The following IGFN1 variants were observed in gnomAD, a reference collection of about 807,000 sequenced individuals.
IGFN1 encodes immunoglobulin like and fibronectin type III domain containing 1.
A neutral mutation model predicts 289.5 loss-of-function variants in IGFN1; 253 were observed. That is an observed-to-expected ratio of 0.87 (90% CI 0.79 to 0.97). The LOEUF (loss-of-function observed/expected upper bound fraction) is 0.97. Ranked by LOEUF, IGFN1 falls within the 50% of genes least tolerant of loss-of-function variation. The probability of loss-of-function intolerance (pLI) is 0.00; values close to 1 mark genes in which losing one functional copy is unlikely to be tolerated. For synonymous variants in IGFN1, 1,706 were observed against 1,788.5 expected, an observed-to-expected ratio of 0.95 and a Z score of 1.16; for missense variants, 4,470 against 4,686.1, an observed-to-expected ratio of 0.95 and a Z score of 1.35.
chr1:201,220,076 TTC>T (rs1169591680), intron 18 of IGFN1, among the ~76,000 whole-genome samples: 4 of 147,834 alleles, frequency 2.7e-5, no homozygotes, highest in East Asian at 2.0e-4. Context: ...TTTCCTTTCT[TTC>T]TCTTTTTCTT....
chr1:201,214,502 C>G (rs531756080), intron 13 of IGFN1, among the ~76,000 whole-genome samples: 9 of 152,256 alleles, frequency 5.9e-5, no homozygotes, highest in African/African-American at 1.9e-4. Context: ...GTATCCTATG[C>G]CCCTCAGCAT....
chr1:201,208,060 AT>A lies in IGFN1; in HGVS notation c.3169del (p.Trp1057GlyfsTer21). The A allele has an allele frequency of 6.5e-7, 1 of 1,536,942 alleles. No individual in the cohort carries two copies. The highest frequency in any genetic ancestry group is 8.7e-7 in the Non-Finnish European group (1 of 1,146,872). ...GGAGCACCCATGAATGACACCAGGA[AT>A]TGGGCCTCTGCATGCCAGGCAGGCA... ...PDGAPMNDTRNWASACQAGMD... is the reference protein window; with the variant it reads ...PDGAPMNDTRXWASACQAGMD... On this transcript the variant is annotated frameshift_variant, in exon 12 of 24. Coordinates refer to ENST00000335211, the MANE Select transcript of IGFN1 (RefSeq NM_001164586.2). LOFTEE classifies it high-confidence loss of function.
intron 7 of IGFN1, 121 bp from the exon 8 acceptor site, chr1:201,200,116 T>C: frequency 1.3e-6 from 1 of 759,250 alleles, no homozygotes; most frequent in Middle Eastern, 3.6e-4. Context: ...GATTCCAGGC[T>C]CTGCGTTTCC....
Position 201,213,078 on chromosome 1 carries a change from C to G in IGFN1, c.8185C>G (p.Pro2729Ala). The G allele has an allele frequency of 6.4e-7, 1 of 1,551,646 alleles. No individual in the cohort carries two copies. Among genetic ancestry groups the G allele is most frequent in the East Asian group, 2.4e-5 (1 of 40,906 alleles). Residue 2729 changes from proline to alanine, a missense_variant, in exon 12 of 24, where the codon CCT (proline) becomes GCT (alanine). Physicochemically the swap from Pro to Ala is conservative, Grantham distance 27. Coordinates refer to ENST00000335211, the MANE Select transcript of IGFN1 (RefSeq NM_001164586.2). ...GTGGGGGAATGCCCTCACCCCAAAA[C>G]CTGGGGAGTCCGGACCTCAGGGAGC... ...TEWGNALTPK[P>A]GESGPQGAWN...
chr1:201,204,040 A>C, intron 10 of IGFN1, 134 bp downstream of exon 10: 1 of 832,400 alleles, frequency 1.2e-6, no homozygotes, highest in Non-Finnish European at 1.8e-6. Context: ...AGAGGGACAC[A>C]TACCTAGATG....
In IGFN1 at chr1:201,206,097, G is replaced by A. The variant is rs1335431765; in HGVS notation, c.1204G>A (p.Asp402Asn). ...WLVVEAGKDKDLQSTSADHKL... is the reference protein window; with the variant it reads ...WLVVEAGKDKNLQSTSADHKL... ...CCTCACTGAAGCTGGGAAGGATAAA[G>A]ACCTTCAGTCCACAAGTGCTGACCA... is the stretch of plus-strand genomic sequence containing the variant. The change falls in exon 12 of 24, where the codon GAC becomes AAC. Residue 402 changes from aspartate to asparagine, a missense_variant. By Grantham distance (23) the Asp-to-Asn change is conservative (BLOSUM62 1). Transcript: ENST00000335211. 3.2e-6 allele frequency: 5 copies of A among 1,548,814 alleles called. No homozygotes were observed. Among genetic ancestry groups the A allele is most frequent in the Non-Finnish European group, 4.4e-6 (5 of 1,145,352 alleles).
chr1:201,227,151 G>T lies in IGFN1; in HGVS notation c.11056G>T (p.Ala3686Ser), dbSNP rs375867012. The part of the protein sequence containing the change: ...VSPKDSGEYK[A>S]VAENTLGQAV... ...CCCGAAGGACAGCGGGGAGTACAAG[G>T]CTGTGGCTGAGAACACGCTGGGCCA... Residue 3686 changes from alanine to serine, a missense_variant, in exon 23 of 24, where the codon GCT becomes TCT. This residue lies in a region of IGFN1 where 2,218 missense variants were observed against 2,114.1 expected (regional missense o/e 1.05). Transcript: ENST00000335211. The T allele has an allele frequency of 1.2e-6, 2 of 1,612,742 alleles. No homozygotes were observed. The highest frequency in any genetic ancestry group is 1.3e-5 in the African/African-American group (1 of 74,924).
At position 201,203,287 on chromosome 1, in the gene IGFN1, A is replaced by G. The variant is rs1239283737; in HGVS notation, c.748-451A>G. Among the ~76,000 whole-genome samples the G allele has an allele frequency of 2.0e-5, 3 of 152,198 alleles. No homozygotes were observed. The East Asian group carries it at 5.8e-4, about 29-fold the overall frequency. ...TAGGGCTTAGTTAAAGCAGGTATGC[A>G]TATAGATTACTGGGTTTCATAGAGC... is the stretch of plus-strand genomic sequence containing the variant. On this transcript the variant is annotated intron_variant, in intron 9 of 23. Transcript: ENST00000335211.
Position 201,226,045 on chromosome 1 carries a change from AG to A in IGFN1, c.10711del (p.Val3571TrpfsTer30). On this transcript the variant is annotated frameshift_variant, in exon 22 of 24. Coordinates refer to ENST00000335211, the MANE Select transcript of IGFN1 (RefSeq NM_001164586.2). LOFTEE classifies it high-confidence loss of function. Reference protein sequence around the residue: ...GILPGHEYHFRVVAKNELGAS... With the variant: ...GILPGHEYHFXVVAKNELGAS... The stretch of plus-strand genomic sequence containing the variant: ...CCTCCCCGGCCACGAATACCACTTC[AG>A]GGTGGTGGCCAAGAATGAGCTGGGG... 6.3e-7 allele frequency: 1 copy of A among 1,599,468 alleles called. No homozygotes were observed. Among genetic ancestry groups the A allele is most frequent in the Non-Finnish European group, 8.5e-7 (1 of 1,170,984 alleles).
chr1:201,222,580 C>CCTGA (rs1653801444), intron 19 of IGFN1, 159 bp from the exon 20 acceptor site: 1 of 540,944 alleles, frequency 1.8e-6, no homozygotes, highest in Non-Finnish European at 3.4e-6. Flanking sequence ...ATTCTGCTCC[C>CCTGA]AGCTGTACTC....
Position 201,212,194 on chromosome 1 carries a change from G to GAA in IGFN1, c.7301_7302insAA (p.Gly2435MetfsTer78). 1 of 1,535,354 alleles carries GAA rather than the reference G, an allele frequency of 6.5e-7. No individual in the cohort carries two copies. The highest frequency in any genetic ancestry group is 8.7e-7 in the Non-Finnish European group (1 of 1,146,186). ...ATGGCTGGAATGCCAGGCACTGCAG[G>GAA]TGGCATGGCACACAGAGACAGCCTC... is the stretch of plus-strand genomic sequence containing the variant. On this transcript the variant is annotated frameshift_variant, in exon 12 of 24. Coordinates refer to ENST00000335211, the MANE Select transcript of IGFN1 (RefSeq NM_001164586.2). LOFTEE classifies it high-confidence loss of function.
rs1398245496 is a variant in IGFN1, at chr1:201,207,487, A to G, written c.2594A>G (p.Gln865Arg). The G allele has an allele frequency of 4.6e-6, 7 of 1,532,946 alleles. No individual in the cohort carries two copies. Among genetic ancestry groups the G allele is most frequent in the Non-Finnish European group, 6.1e-6 (7 of 1,144,750 alleles). The allele number at this position is 1,532,946 out of a possible 1,614,324, so 95.0% of individuals were successfully genotyped here. A position where few individuals can be genotyped will look rare whatever the true frequency, so the allele number is the denominator to read the frequency against. ...GPGVLGPSGG[Q>R]EGMGGIWVAG... ...GGAGTGCTGGGGCCCAGTGGAGGAC[A>G]AGAGGGTATGGGTGGTATCTGGGTG... The change falls in exon 12 of 24, where the codon CAA (glutamine) becomes CGA (arginine). Residue 865 changes from glutamine to arginine, a missense_variant. Physicochemically the swap from Gln to Arg is conservative, Grantham distance 43. Coordinates refer to ENST00000335211, the MANE Select transcript of IGFN1 (RefSeq NM_001164586.2).
rs2102347386 is a variant in IGFN1, at chr1:201,211,958, G to A, written c.7065G>A (p.Lys2355=). ...CTGGGGAAACGGGACCAGAGGGTAA[G>A]ATGGGTTATGGAGATGGTTCAGGGA... is the stretch of plus-strand genomic sequence containing the variant. The part of the protein sequence containing the change: ...GGSGETGPEG[K]MGYGDGSGRL... The change falls in exon 12 of 24, where the codon AAG becomes AAA. Residue 2355 remains lysine (K), a synonymous_variant. Transcript: ENST00000335211. 6.5e-7 allele frequency: 1 copy of A among 1,532,448 alleles called. No individual in the cohort carries two copies. Among genetic ancestry groups the A allele is most frequent in the East Asian group, 2.4e-5 (1 of 40,890 alleles). The allele number at this position is 1,532,448 out of a possible 1,614,324, so 94.9% of individuals were successfully genotyped here.
Position 201,226,885 on chromosome 1 carries a change from G to A in IGFN1, c.10790G>A (p.Arg3597Lys), listed in dbSNP as rs753816104. 1 of 1,580,448 alleles carries A rather than the reference G, an allele frequency of 6.3e-7. No individual in the cohort carries two copies. The highest frequency in any genetic ancestry group is 8.6e-7 in the Non-Finnish European group (1 of 1,161,248). Residue 3597 changes from arginine to lysine, a missense_variant, in exon 23 of 24, where the codon AGG becomes AAG. This residue lies in a region of IGFN1 where 2,218 missense variants were observed against 2,114.1 expected (regional missense o/e 1.05). Coordinates refer to ENST00000335211, the MANE Select transcript of IGFN1 (RefSeq NM_001164586.2). ...QPWCIPRQRD[R>K]FTVKAPCYRE... The stretch of plus-strand genomic sequence containing the variant: ...CTCACCCCGGCTTTCACCACAGACA[G>A]GTTCACAGTGAAGGCTCCGTGCTAC...
chr1:201,196,850 T>G (rs1249193643), intron 4 of IGFN1, among the ~76,000 whole-genome samples: 3 of 152,198 alleles, frequency 2.0e-5, no homozygotes. Flanking sequence ...CACCACTTTT[T>G]TGAGGTATTA....
At position 201,228,383 on chromosome 1, in the gene IGFN1, C is replaced by T. The variant is rs1239251868; in HGVS notation, c.11114-3C>T. ...ACCAACTGGAATATCCTGTGTCTTG[C>T]AGAACCCAGCACCTAGCCTCACCTC... On this transcript the variant is annotated splice_region_variant and splice_polypyrimidine_tract_variant and intron_variant, in intron 23 of 23. Coordinates refer to ENST00000335211, the MANE Select transcript of IGFN1 (RefSeq NM_001164586.2). The T allele has an allele frequency of 6.2e-7, 1 of 1,613,970 alleles. No individual in the cohort carries two copies. Among genetic ancestry groups the T allele is most frequent in the Non-Finnish European group, 8.5e-7 (1 of 1,179,892 alleles).
rs754192155 is a variant in IGFN1, at chr1:201,213,286, A to C, written c.8393A>C (p.Glu2798Ala). 6.4e-7 allele frequency: 1 copy of C among 1,559,536 alleles called. No individual in the cohort carries two copies. The highest frequency in any genetic ancestry group is 2.4e-5 in the East Asian group (1 of 41,490). ...VQGPGALKED[E>A]GQGVEEAGRS... ...GGTCCTGGGGCCCTAAAGGAGGATGAAGGGCAGGGAGTGGAAGAGGCTGGG... is the reference window on the plus strand; with the variant it reads ...GGTCCTGGGGCCCTAAAGGAGGATGCAGGGCAGGGAGTGGAAGAGGCTGGG... Residue 2798 changes from glutamate (E) to alanine (A), a missense_variant, in exon 12 of 24, where the codon GAA (glutamate) becomes GCA (alanine). Physicochemically the swap from Glu to Ala is moderately radical, Grantham distance 107 (BLOSUM62 -1). Transcript: ENST00000335211.
rs1245897445 is a variant in IGFN1, at chr1:201,224,848, C to T, written c.10460C>T (p.Ala3487Val). The change falls in exon 21 of 24, where the codon GCC becomes GTC. Residue 3487 changes from alanine (A) to valine (V), a missense_variant. This residue lies in a region of IGFN1 where 2,218 missense variants were observed against 2,114.1 expected (regional missense o/e 1.05). Coordinates refer to ENST00000335211, the MANE Select transcript of IGFN1 (RefSeq NM_001164586.2). ...VLRTLQGKEV[A>V]HSFRIRVAAC... ...AGGACCCTGCAGGGGAAGGAGGTTGCCCACAGCTTCCGTATCAGGGTGGCA... is the reference window on the plus strand; with the variant it reads ...AGGACCCTGCAGGGGAAGGAGGTTGTCCACAGCTTCCGTATCAGGGTGGCA... The T allele has an allele frequency of 1.9e-6, 3 of 1,613,544 alleles. No individual in the cohort carries two copies. Among genetic ancestry groups the T allele is most frequent in the Non-Finnish European group, 2.5e-6 (3 of 1,179,816 alleles).
At position 201,209,067 on chromosome 1, in the gene IGFN1, T is replaced by C; in HGVS notation, c.4174T>C (p.Tyr1392His). The C allele has an allele frequency of 6.5e-7, 1 of 1,534,854 alleles. No individual in the cohort carries two copies. Among genetic ancestry groups the C allele is most frequent in the Non-Finnish European group, 8.7e-7 (1 of 1,146,164 alleles). Residue 1392 changes from tyrosine (Y) to histidine (H), a missense_variant, in exon 12 of 24, where the codon TAC becomes CAC. Coordinates refer to ENST00000335211, the MANE Select transcript of IGFN1 (RefSeq NM_001164586.2). ...LGVPEGMGAG[Y>H]RAGLRGPGEM... The stretch of plus-strand genomic sequence containing the variant: ...GGTTCCTGAGGGAATGGGTGCAGGT[T>C]ACAGGGCTGGTTTAAGGGGTCCTGG...
Sources: gnomAD v4.1 joint callset for allele counts (sites outside exome capture counted in the v4.1 genomes callset) on GRCh38, gnomAD v4.1.1 for gene constraint, gnomAD v4.1.1 regional missense constraint, MANE v1.5 for transcripts, NCBI Gene and HGNC (gene_info 2026-07-23, HGNC 2026-07-21) for gene names.